Variants in PLCD4 observed in about 807,000 individuals in gnomAD.
The protein encoded by PLCD4 is phospholipase C delta 4.
PLCD4 carries 63 observed loss-of-function variants against 90.2 expected under a neutral mutation model. That is an observed-to-expected ratio of 0.70 (90% CI 0.57 to 0.86). The LOEUF is 0.86. Among genes scored for constraint, PLCD4 ranks in the 40% least tolerant of loss-of-function variants. PLCD4 has a pLI of 0.00. For missense variants in PLCD4, 830 were observed against 956.3 expected, an observed-to-expected ratio of 0.87 and a Z score of 1.74; for synonymous variants, 294 against 356.5, an observed-to-expected ratio of 0.82 and a Z score of 1.97.
chr2:218,626,348 G>T (rs1287021496), intron 6 of PLCD4, among the ~76,000 whole-genome samples: 2 of 151,946 alleles, frequency 1.3e-5, no homozygotes, highest in African/African-American at 4.8e-5. Context: ...AAGGAAGCTG[G>T]CCATGAGAGT....
At chr2:218,632,748 A>AT (rs1441114615) in intron 10 of PLCD4, among the ~76,000 whole-genome samples, 6 of 152,050 alleles carry the variant, frequency 3.9e-5, no homozygotes, top group Non-Finnish European at 8.8e-5. Flanking sequence ...TACTGGAATG[A>AT]TTGTTGTGAT....
At chr2:218,612,691 G>C (rs146643859) in intron 1 of PLCD4, among the ~76,000 whole-genome samples, 2 of 152,178 alleles carry the variant, frequency 1.3e-5, no homozygotes, top group South Asian at 4.1e-4. Context: ...AGAATTGCTT[G>C]AACCTTGGAG....
At chr2:218,612,368 A>G (rs1318920036) in intron 1 of PLCD4, among the ~76,000 whole-genome samples, 2 of 152,226 alleles carry the variant, frequency 1.3e-5, no homozygotes, top group Non-Finnish European at 2.9e-5. Context: ...CTTCAGGCAC[A>G]CACATTCAGC....
chr2:218,618,644 G>C lies in PLCD4; in HGVS notation c.247G>C (p.Glu83Gln). Residue 83 changes from glutamate to glutamine, a missense_variant, in exon 4 of 16, where the codon GAG becomes CAG. By Grantham distance (29) the Glu-to-Gln change is conservative. Transcript: ENST00000450993. ...HDSELLRSLA[E>Q]ELPLEQGFTI... ...TTCCGAGTTGCTGCGTAGCCTGGCA[G>C]AGGAGCTCCCCCTGGAGCAGGGCTT... is the stretch of plus-strand genomic sequence containing the variant. The C allele has an allele frequency of 6.2e-7, 1 of 1,614,098 alleles. No homozygotes were observed. The highest frequency in any genetic ancestry group is 8.5e-7 in the Non-Finnish European group (1 of 1,179,906).
Position 218,635,865 on chromosome 2 carries a change from A to G in PLCD4, c.1966A>G (p.Lys656Glu). The G allele has an allele frequency of 6.2e-7, 1 of 1,614,032 alleles. No homozygotes were observed. Among genetic ancestry groups the G allele is most frequent in the African/African-American group, 1.3e-5 (1 of 75,046 alleles). The change falls in exon 14 of 16, where the codon AAA (lysine) becomes GAA (glutamate). Residue 656 changes from lysine (K) to glutamate (E), a missense_variant. Coordinates refer to ENST00000450993, the MANE Select transcript of PLCD4 (RefSeq NM_032726.4). ...KEGSIVDPLVKVQIFGVRLDT... is the reference protein window; with the variant it reads ...KEGSIVDPLVEVQIFGVRLDT... ...GGGGTCCATTGTGGATCCACTGGTG[A>G]AAGTGCAGATCTTTGGCGTTCGTCT...
In PLCD4 at chr2:218,615,775, C is replaced by T. The variant is rs779336018; in HGVS notation, c.22+14C>T. The T allele has an allele frequency of 1.9e-6, 3 of 1,604,734 alleles. No individual in the cohort carries two copies. Among genetic ancestry groups the T allele is most frequent in the South Asian group, 2.2e-5 (2 of 89,544 alleles). Reference sequence around the variant, plus strand: ...TGCTGCAAGACCGTGAGTGCCGGGGCCCCTGCAGGGGAAGAGGCCTTAGTG... The same window carrying T: ...TGCTGCAAGACCGTGAGTGCCGGGGTCCCTGCAGGGGAAGAGGCCTTAGTG... On this transcript the variant is annotated intron_variant, in intron 2 of 15. Transcript: ENST00000450993.
chr2:218,616,917 TATATATATATAGAGAGAGAG>T (rs1695615676), intron 3 of PLCD4, among the ~76,000 whole-genome samples: 1 of 24,598 alleles, frequency 4.1e-5, no homozygotes, highest in Non-Finnish European at 8.0e-5. Flanking sequence ...TATATATATA[TATATATATATAGAGAGAGAG>T]AGAGAGAGAG....
chr2:218,623,313 C>G (rs1410231524), intron 6 of PLCD4, among the ~76,000 whole-genome samples: 1 of 152,180 alleles, frequency 6.6e-6, no homozygotes, highest in African/African-American at 2.4e-5. Flanking sequence ...GGCTCGCTGC[C>G]CTTTCCTGAG....
intron 1 of PLCD4, among the ~76,000 whole-genome samples, chr2:218,614,834 T>C (rs1695506882): frequency 6.6e-6 from 1 of 152,152 alleles, no homozygotes; most frequent in South Asian, 2.1e-4. Flanking sequence ...GTGTAACTTA[T>C]TTGGTCCATT....
rs1696424268 is a variant in PLCD4 at position 218,632,385 on chromosome 2, T to C, written c.1449+73T>C. The C allele has an allele frequency of 5.5e-6, 8 of 1,461,108 alleles. No homozygotes were observed. In the Admixed American group the frequency reaches 7.2e-5, roughly 13 times the overall value. The allele number at this position is 1,461,108 out of a possible 1,614,324, so 90.5% of individuals were successfully genotyped here. On this transcript the variant is annotated intron_variant, in intron 10 of 15. Coordinates refer to ENST00000450993, the MANE Select transcript of PLCD4 (RefSeq NM_032726.4). ...AAGCTGAAGGCCTGTTCATGAAGAC[T>C]AGAGCCGTGCAAGATGCAGGGCCAA...
Position 218,621,461 on chromosome 2 carries a change from C to T in PLCD4, c.411-9C>T. The T allele has an allele frequency of 1.9e-6, 3 of 1,613,792 alleles. No homozygotes were observed. The highest frequency in any genetic ancestry group is 2.5e-6 in the Non-Finnish European group (3 of 1,179,742). On this transcript the variant is annotated splice_polypyrimidine_tract_variant and intron_variant, in intron 4 of 15. Transcript: ENST00000450993. ...ATACATTAGTGCTTTTGCCTTGACTCATACCTGGATGGCTGAGCGATTGGT... is the reference window on the plus strand; with the variant it reads ...ATACATTAGTGCTTTTGCCTTGACTTATACCTGGATGGCTGAGCGATTGGT...
chr2:218,631,501 G>C (rs538209680), intron 9 of PLCD4, among the ~76,000 whole-genome samples: 3 of 146,674 alleles, frequency 2.0e-5, no homozygotes, highest in Non-Finnish European at 4.4e-5. Flanking sequence ...GCTTTCCCAC[G>C]GTAAGATTAT....
chr2:218,624,836 C>A (rs146124749), intron 6 of PLCD4, among the ~76,000 whole-genome samples: 1 of 151,416 alleles, frequency 6.6e-6, no homozygotes, highest in Non-Finnish European at 1.5e-5. Flanking sequence ...CTAGGCCGGG[C>A]GCTGTGGCTC....
At chr2:218,630,900 A>G (rs912887414) in intron 9 of PLCD4, 98 bp downstream of exon 9, 23 of 1,315,446 alleles carry the variant, frequency 1.7e-5, no homozygotes, top group African/African-American at 1.0e-4. Flanking sequence ...CCTTCTTTCT[A>G]TCCTCGGATG....
intron 8 of PLCD4, 24 bp from the exon 9 acceptor site, chr2:218,630,626 A>G (rs1696319638): frequency 1.9e-6 from 3 of 1,613,824 alleles, no homozygotes; most frequent in Non-Finnish European, 2.5e-6. Context: ...CTCTGAATCC[A>G]TTGTTCCCTC....
intron 4 of PLCD4, among the ~76,000 whole-genome samples, chr2:218,619,223 A>G (rs1695764243): frequency 6.6e-6 from 1 of 152,012 alleles, no homozygotes. Context: ...TTCATGATCT[A>G]TTAAGCAGAA....
At chr2:218,628,611 G>C (rs1248374027) in intron 7 of PLCD4, 3 of 186,222 alleles carry the variant, frequency 1.6e-5, no homozygotes, top group Non-Finnish European at 3.4e-5. Flanking sequence ...CTGGGGCTAA[G>C]TATTTAACTT....
At chr2:218,621,412 A>G (rs1695874461) in intron 4 of PLCD4, 58 bp from the exon 5 acceptor site, 3 of 1,601,954 alleles carry the variant, frequency 1.9e-6, no homozygotes, top group South Asian at 1.1e-5. Flanking sequence ...ACGAAGGTGC[A>G]CACACAACTG....
At position 218,610,615 on chromosome 2, in the gene PLCD4, A is replaced by G. The variant is rs75030156; in HGVS notation, c.-34+2545A>G. ...GATGGAGAGGAGAGACAAAATACCA[A>G]TGTCCCTTATTGATTCCTAGCCTTG... On this transcript the variant is annotated intron_variant, in intron 1 of 15. Coordinates refer to ENST00000450993, the MANE Select transcript of PLCD4 (RefSeq NM_032726.4). Among the ~76,000 whole-genome samples the G allele has an allele frequency of 5.9e-4, 90 of 152,248 alleles. 1 individual carries two copies. In the East Asian group the frequency reaches 0.015, roughly 25 times the overall value.
Sources: allele counts gnomAD v4.1 joint callset (sites outside exome capture counted in the v4.1 genomes callset), GRCh38; gene constraint gnomAD v4.1.1; transcripts MANE v1.5; gene names NCBI Gene and HGNC (gene_info 2026-07-23, HGNC 2026-07-21).